PCBP3: variants seen among roughly 807,000 people sequenced by gnomAD.
The protein encoded by PCBP3 is poly(rC) binding protein 3, also known as poly(rC)-binding protein 3.
PCBP3 carries 25 observed loss-of-function variants against 52.7 expected under a neutral mutation model. That is an observed-to-expected ratio of 0.47 (90% CI 0.35 to 0.66). The LOEUF is 0.66. Ranked by LOEUF, PCBP3 falls within the 30% of genes least tolerant of loss-of-function variation. The probability of loss-of-function intolerance (pLI) is 0.01; values close to 1 mark genes in which losing one functional copy is unlikely to be tolerated. For missense variants in PCBP3, 391 were observed against 490.3 expected (o/e 0.80, Z 1.91); for synonymous variants, 162 against 183.0 (o/e 0.89, Z 0.93).
chr21:45,687,936 T>C (rs1300857119), intron 2 of PCBP3, among the ~76,000 whole-genome samples: 1 of 152,138 alleles, frequency 6.6e-6, no homozygotes, highest in Admixed American at 6.5e-5. Context: ...TTTCACAGTG[T>C]TAGCCAGGAT....
intron 13 of PCBP3, among the ~76,000 whole-genome samples, chr21:45,921,491 T>G (rs2074424716): frequency 1.3e-5 from 2 of 152,236 alleles, no homozygotes; most frequent in South Asian, 4.1e-4. Flanking sequence ...TGTTTTTAGC[T>G]TGTTCTTATT....
chr21:45,873,397 C>T (rs895600176), intron 5 of PCBP3: 3 of 152,212 alleles, frequency 2.0e-5, no homozygotes, highest in Non-Finnish European at 4.4e-5. Context: ...TTGACCCAAA[C>T]AAAATCTTAA....
At chr21:45,678,359 A>G (rs964470706) in intron 2 of PCBP3, among the ~76,000 whole-genome samples, 40 of 152,018 alleles carry the variant, frequency 2.6e-4, no homozygotes, top group Non-Finnish European at 5.3e-4. Context: ...TTGTAAGGCT[A>G]TAGCTGCCAC....
intron 6 of PCBP3, among the ~76,000 whole-genome samples, 175 bp from the exon 7 acceptor site, chr21:45,899,424 T>A (rs1043662917): frequency 6.6e-6 from 1 of 152,058 alleles, no homozygotes; most frequent in African/African-American, 2.4e-5. Flanking sequence ...GCCTGGCTTG[T>A]ACACACACCC....
At chr21:45,850,573 A>G (rs2093956435) in intron 5 of PCBP3, among the ~76,000 whole-genome samples, 1 of 152,220 alleles carries the variant, frequency 6.6e-6, no homozygotes, top group Admixed American at 6.5e-5. Flanking sequence ...ACTTCTGTTG[A>G]TACAATTGCA....
At chr21:45,689,467 A>T (rs969873957) in intron 2 of PCBP3, among the ~76,000 whole-genome samples, 1 of 152,126 alleles carries the variant, frequency 6.6e-6, no homozygotes, top group African/African-American at 2.4e-5. Flanking sequence ...AAAATCCGAC[A>T]ATTAACATTA....
chr21:45,907,896 G>A (rs551580733), intron 9 of PCBP3, among the ~76,000 whole-genome samples: 1 of 149,096 alleles, frequency 6.7e-6, no homozygotes, highest in South Asian at 2.1e-4. Context: ...AGGAAAAGGA[G>A]GGAGAGCTTA....
chr21:45,801,604 C>T (rs1569241842), intron 4 of PCBP3, among the ~76,000 whole-genome samples: 1 of 151,384 alleles, frequency 6.6e-6, no homozygotes, highest in Non-Finnish European at 1.5e-5. Flanking sequence ...GTGCTGGTCA[C>T]TGACCCGCCT....
intron 11 of PCBP3, among the ~76,000 whole-genome samples, chr21:45,913,548 G>A (rs1488415368): frequency 6.6e-6 from 1 of 152,024 alleles, no homozygotes; most frequent in African/African-American, 2.4e-5. Flanking sequence ...GCAGGGGGCC[G>A]TCTGGGTTGG....
intron 5 of PCBP3, among the ~76,000 whole-genome samples, chr21:45,856,215 C>G (rs1020350651): frequency 1.3e-5 from 2 of 152,112 alleles, no homozygotes; most frequent in African/African-American, 4.8e-5. Context: ...GAATAGGAAA[C>G]ATTTGCCATG....
chr21:45,729,756 A>G (rs549413276), intron 2 of PCBP3, among the ~76,000 whole-genome samples: 56 of 152,100 alleles, frequency 3.7e-4, no homozygotes, highest in African/African-American at 1.3e-3. Flanking sequence ...TTATTAAAGA[A>G]CCAACTTTCG....
Position 45,901,035 on chromosome 21 carries a change from A to C in PCBP3, c.261A>C (p.Pro87=), listed in dbSNP as rs370163774. 4 of 1,613,916 alleles carry C rather than the reference A, an allele frequency of 2.5e-6. No individual in the cohort carries two copies. In the African/African-American group the frequency reaches 5.3e-5, roughly 22 times the overall value. Residue 87 remains proline (P), a synonymous_variant, in exon 9 of 18, where the codon CCA becomes CCC. Coordinates refer to ENST00000681687, the MANE Select transcript of PCBP3 (RefSeq NM_001384156.1). ...TCAACATCTCAGAGGGAAACTGCCC[A>C]GAGAGGATTGTGACCATCACAGGCC... ...ARINISEGNC[P]ERIVTITGPT...
Position 45,656,692 on chromosome 21 carries a change from C to T in PCBP3, c.-278-12182C>T, listed in dbSNP as rs895533724. Among the ~76,000 whole-genome samples the T allele has an allele frequency of 6.6e-6, 1 of 152,044 alleles. No homozygotes were observed. Among genetic ancestry groups the T allele is most frequent in the African/African-American group, 2.4e-5 (1 of 41,368 alleles). ...AAAACAAAAATAAATAAATCCTTTG[C>T]CCATTTAAAAACTGGATTGTCTTTT... On this transcript the variant is annotated intron_variant, in intron 1 of 17. Coordinates refer to ENST00000681687, the MANE Select transcript of PCBP3 (RefSeq NM_001384156.1). The surrounding 1 kb of genome is among the most constrained non-coding windows in gnomAD (Gnocchi z 4.3).
At chr21:45,911,364 T>C (rs1225101302) in intron 11 of PCBP3, 2 of 263,028 alleles carry the variant, frequency 7.6e-6, no homozygotes, top group East Asian at 1.2e-4. Context: ...GCAGAAACAG[T>C]GCTCTTTACG....
intron 1 of PCBP3, among the ~76,000 whole-genome samples, chr21:45,644,548 C>A (rs1445244628): frequency 1.3e-5 from 2 of 152,108 alleles, no homozygotes; most frequent in Non-Finnish European, 2.9e-5. Flanking sequence ...CAATTCCCTC[C>A]GCGCCACTCT....
At chr21:45,887,623 T>C (rs887241158) in intron 5 of PCBP3, among the ~76,000 whole-genome samples, 2 of 152,212 alleles carry the variant, frequency 1.3e-5, no homozygotes, top group Admixed American at 1.3e-4. Context: ...CACGTTGGTG[T>C]TGGTTTCCAC....
intron 3 of PCBP3, among the ~76,000 whole-genome samples, chr21:45,754,131 T>G (rs2087804120): frequency 6.6e-6 from 1 of 152,204 alleles, no homozygotes; most frequent in Non-Finnish European, 1.5e-5. Flanking sequence ...TACCCAAGAC[T>G]GCTTTCCAAA....
intron 1 of PCBP3, among the ~76,000 whole-genome samples, chr21:45,654,530 A>T (rs952414208): frequency 1.3e-5 from 2 of 152,072 alleles, no homozygotes; most frequent in Non-Finnish European, 2.9e-5. Flanking sequence ...TAGTAGAGAC[A>T]GGATTTCACG....
At chr21:45,742,549 G>A (rs115957071) in intron 3 of PCBP3, among the ~76,000 whole-genome samples, 3,134 of 152,224 alleles carry the variant, frequency 0.021, 117 homozygotes, top group African/African-American at 0.072. Context: ...TGGGTAGCTC[G>A]CTCAGTATTT....
Sources: gnomAD v4.1 joint callset for allele counts (sites outside exome capture counted in the v4.1 genomes callset) on GRCh38, gnomAD v4.1.1 for gene constraint, Gnocchi (gnomAD v3.1) non-coding constraint, MANE v1.5 for transcripts, NCBI Gene and HGNC (gene_info 2026-07-23, HGNC 2026-07-21) for gene names.